The following TUBB4B variants were observed in gnomAD, a reference collection of about 807,000 sequenced individuals.
TUBB4B encodes the protein tubulin beta 4B class IVb, also known as tubulin beta-4B chain.
A neutral mutation model predicts 34.3 loss-of-function variants in TUBB4B; 7 were observed. The observed-to-expected ratio is 0.20, with a 90% confidence interval of 0.12 to 0.38. The LOEUF is 0.38. TUBB4B is among the 10% of genes least tolerant of loss of function. TUBB4B has a pLI of 1.00. For missense variants in TUBB4B, 178 were observed against 610.9 expected (o/e 0.29, Z 7.47); for synonymous variants, 390 against 250.2 (o/e 1.56, Z -5.27).
At chr9:137,242,273 G>A in intron 3 of TUBB4B, 1 of 673,668 alleles carries the variant, frequency 1.5e-6, no homozygotes, top group South Asian at 2.0e-5. Context: ...GGAATTGGCA[G>A]TGGCCCCCCC....
At position 137,242,329 on chromosome 9, in the gene TUBB4B, C is replaced by T. The variant is rs61234569; in HGVS notation, c.278-167C>T. 5,019 of 839,978 alleles carry T rather than the reference C, an allele frequency of 6.0e-3. 175 individuals are homozygous for T. In the African/African-American group the frequency reaches 0.076, roughly 13 times the overall value. 52.0% of individuals were successfully genotyped at this position (839,978 alleles called of 1,614,324 possible). The stretch of plus-strand genomic sequence containing the variant: ...GTCAGGTTTGGCCCCTGACTTAATT[C>T]GTAGCAGGGCAGGCTGCCGTCTTTT... On this transcript the variant is annotated intron_variant, in intron 3 of 3. Transcript: ENST00000340384.
intron 1 of TUBB4B, 49 bp downstream of exon 1, chr9:137,241,466 G>A: frequency 7.0e-7 from 1 of 1,426,208 alleles, no homozygotes; most frequent in Non-Finnish European, 9.2e-7. Flanking sequence ...GGCGGTGTGG[G>A]CGGGCGGCCG....
At chr9:137,242,102 C>T (rs1194371962) in intron 3 of TUBB4B, 81 bp downstream of exon 3, 7 of 1,416,732 alleles carry the variant, frequency 4.9e-6, no homozygotes, top group African/African-American at 2.9e-5. Context: ...ACTGCGCAGC[C>T]GGGGCCCCTG....
At chr9:137,241,654 G>C (rs1210627246) in intron 1 of TUBB4B, 67 bp from the exon 2 acceptor site, 2 of 1,271,334 alleles carry the variant, frequency 1.6e-6, no homozygotes, top group Non-Finnish European at 2.1e-6. Flanking sequence ...GGGCGGGGCT[G>C]CCTCCCTGCG....
At position 137,243,261 on chromosome 9, in the gene TUBB4B, A is replaced by G. The variant is rs1836795199; in HGVS notation, c.1043A>G (p.Asn348Ser). The change falls in exon 4 of 4, where the codon AAT (asparagine) becomes AGT (serine). Residue 348 changes from asparagine to serine, a missense_variant. Physicochemically the swap from Asn to Ser is conservative, Grantham distance 46. Coordinates refer to ENST00000340384, the MANE Select transcript of TUBB4B (RefSeq NM_006088.6). Reference sequence around the variant, plus strand: ...TATTTTGTTGAGTGGATCCCCAACAATGTGAAAACGGCTGTCTGTGACATC... The same window carrying G: ...TATTTTGTTGAGTGGATCCCCAACAGTGTGAAAACGGCTGTCTGTGACATC... Reference protein sequence around the residue: ...SSYFVEWIPNNVKTAVCDIPP... With the variant: ...SSYFVEWIPNSVKTAVCDIPP... 6.2e-7 allele frequency: 1 copy of G among 1,613,440 alleles called. No individual in the cohort carries two copies. Among genetic ancestry groups the G allele is most frequent in the African/African-American group, 1.3e-5 (1 of 74,946 alleles).
intron 1 of TUBB4B, 100 bp downstream of exon 1, chr9:137,241,517 T>C (rs1836740790): frequency 1.9e-6 from 2 of 1,066,578 alleles, no homozygotes; most frequent in African/African-American, 3.4e-5. Flanking sequence ...CGCCCCCGCA[T>C]TGCGGCCGCC....
chr9:137,242,301 G>A (rs1836768617), intron 3 of TUBB4B, 195 bp from the exon 4 acceptor site: 2 of 729,420 alleles, frequency 2.7e-6, no homozygotes, highest in South Asian at 1.9e-5. Flanking sequence ...GGTTTGTTAA[G>A]CTGTCAGGTT....
At position 137,242,631 on chromosome 9, in the gene TUBB4B, C is replaced by T; in HGVS notation, c.413C>T (p.Ser138Phe). ...DCLQGFQLTH[S>F]LGGGTGSGMG... ...CTGCAGGGTTTCCAGCTGACCCACT[C>T]CCTGGGTGGGGGGACTGGGTCTGGG... The change falls in exon 4 of 4, where the codon TCC becomes TTC. Residue 138 changes from serine to phenylalanine, a missense_variant. Coordinates refer to ENST00000340384, the MANE Select transcript of TUBB4B (RefSeq NM_006088.6). The T allele has an allele frequency of 6.2e-7, 1 of 1,613,692 alleles. No individual in the cohort carries two copies. Among genetic ancestry groups the T allele is most frequent in the African/African-American group, 1.3e-5 (1 of 75,038 alleles).
Position 137,243,597 on chromosome 9 carries a change from T to G in TUBB4B, c.*41T>G. 3 of 1,613,294 alleles carry G rather than the reference T, an allele frequency of 1.9e-6. No homozygotes were observed. Among genetic ancestry groups the G allele is most frequent in the Non-Finnish European group, 2.5e-6 (3 of 1,179,410 alleles). On this transcript the variant is annotated 3_prime_UTR_variant, in exon 4 of 4. Coordinates refer to ENST00000340384, the MANE Select transcript of TUBB4B (RefSeq NM_006088.6). ...GGGAAAGCAGGGAAGCAGTGTGAAC[T>G]CTTTATTCACTCCCAGCCTGTCCTG...
rs544185853 is a variant in TUBB4B, at chr9:137,243,621, T to C, written c.*65T>C. On this transcript the variant is annotated 3_prime_UTR_variant, in exon 4 of 4. Coordinates refer to ENST00000340384, the MANE Select transcript of TUBB4B (RefSeq NM_006088.6). Reference sequence around the variant, plus strand: ...CTCTTTATTCACTCCCAGCCTGTCCTGTGGCCTGTCCCACTGTGTGCACTT... The same window carrying C: ...CTCTTTATTCACTCCCAGCCTGTCCCGTGGCCTGTCCCACTGTGTGCACTT... The C allele has an allele frequency of 7.4e-6, 12 of 1,612,706 alleles. No homozygotes were observed. The highest frequency in any genetic ancestry group is 9.3e-6 in the Non-Finnish European group (11 of 1,178,922).
rs1462829872 is a variant in TUBB4B, at chr9:137,243,703, T to C, written c.*147T>C. 3.7e-6 allele frequency: 6 copies of C among 1,614,158 alleles called. No homozygotes were observed. Among genetic ancestry groups the C allele is most frequent in the South Asian group, 2.2e-5 (2 of 91,090 alleles). On this transcript the variant is annotated 3_prime_UTR_variant, in exon 4 of 4. Transcript: ENST00000340384. ...AGACACCACCATTAAAGCATTTTCATAGTGTGTGGTTTCGCTTTGCCCATT... is the reference window on the plus strand; with the variant it reads ...AGACACCACCATTAAAGCATTTTCACAGTGTGTGGTTTCGCTTTGCCCATT...
At chr9:137,241,562 G>T in intron 1 of TUBB4B, 145 bp downstream of exon 1, 1 of 850,066 alleles carries the variant, frequency 1.2e-6, no homozygotes, top group South Asian at 5.4e-5. Context: ...CGAGCCGGGC[G>T]ACCGAAGCCC....
In TUBB4B at chr9:137,243,661, C is replaced by G; in HGVS notation, c.*105C>G. On this transcript the variant is annotated 3_prime_UTR_variant, in exon 4 of 4. Coordinates refer to ENST00000340384, the MANE Select transcript of TUBB4B (RefSeq NM_006088.6). ...TGTGTGCACTTGCTGTTTTCCCTGT[C>G]CACATCCATGCTGTACAGACACCAC... is the stretch of plus-strand genomic sequence containing the variant. 1 of 1,614,086 alleles carries G rather than the reference C, an allele frequency of 6.2e-7. No homozygotes were observed. The highest frequency in any genetic ancestry group is 8.5e-7 in the Non-Finnish European group (1 of 1,179,996).
At chr9:137,242,122 C>G in intron 3 of TUBB4B, 101 bp downstream of exon 3, 3 of 1,187,884 alleles carry the variant, frequency 2.5e-6, no homozygotes, top group Admixed American at 5.1e-5. Context: ...GGACGCCCTC[C>G]TCTTCTCTGA....
intron 1 of TUBB4B, 103 bp downstream of exon 1, chr9:137,241,520 C>T (rs1168229394): frequency 1.9e-6 from 2 of 1,040,886 alleles, no homozygotes; most frequent in African/African-American, 1.7e-5. Context: ...CCCCGCATTG[C>T]GGCCGCCGGG....
At chr9:137,241,676 G>T in intron 1 of TUBB4B, 45 bp from the exon 2 acceptor site, 1 of 1,525,550 alleles carries the variant, frequency 6.6e-7, no homozygotes, top group Non-Finnish European at 8.8e-7. Context: ...ACCGGCCGCG[G>T]TGACTCAGCC....
In TUBB4B at chr9:137,242,874, C is replaced by T; in HGVS notation, c.656C>T (p.Thr219Met). ...TGCTTCAGAACCCTAAAGCTGACCACGCCCACCTATGGTGACCTGAACCAC... is the reference window on the plus strand; with the variant it reads ...TGCTTCAGAACCCTAAAGCTGACCATGCCCACCTATGGTGACCTGAACCAC... ...DICFRTLKLT[T>M]PTYGDLNHLV... is the part of the protein sequence containing the mutation. Residue 219 changes from threonine to methionine, a missense_variant, in exon 4 of 4, where the codon ACG (threonine) becomes ATG (methionine). Transcript: ENST00000340384. The T allele has an allele frequency of 6.2e-7, 1 of 1,613,502 alleles. No individual in the cohort carries two copies. Among genetic ancestry groups the T allele is most frequent in the Non-Finnish European group, 8.5e-7 (1 of 1,180,032 alleles).
In TUBB4B at chr9:137,243,178, C is replaced by A; in HGVS notation, c.960C>A (p.Arg320=). Residue 320 remains arginine (R), a synonymous_variant, in exon 4 of 4, where the codon CGC becomes CGA. Transcript: ENST00000340384. The stretch of plus-strand genomic sequence containing the variant: ...CGGTTGCCGCCGTGTTCAGGGGCCG[C>A]ATGTCCATGAAGGAGGTGGATGAGC... ...YLTVAAVFRG[R]MSMKEVDEQM... is the part of the protein sequence containing the mutation. The A allele has an allele frequency of 1.9e-6, 3 of 1,613,116 alleles. No individual in the cohort carries two copies. Among genetic ancestry groups the A allele is most frequent in the Non-Finnish European group, 2.5e-6 (3 of 1,179,970 alleles).
Position 137,241,427 on chromosome 9 carries a change from CG to C in TUBB4B, c.57+14del. On this transcript the variant is annotated intron_variant, in intron 1 of 3. Coordinates refer to ENST00000340384, the MANE Select transcript of TUBB4B (RefSeq NM_006088.6). ...CCAAATCGGCGCCAAGGTAAGTTGC[CG>C]GGGCGCTGGGGCCAGGCGGGCCTGC... The C allele has an allele frequency of 1.3e-6, 2 of 1,582,258 alleles. No individual in the cohort carries two copies. The highest frequency in any genetic ancestry group is 1.7e-6 in the Non-Finnish European group (2 of 1,167,150).
Sources: allele counts gnomAD v4.1 joint callset, GRCh38; gene constraint gnomAD v4.1.1; transcripts MANE v1.5; gene names NCBI Gene and HGNC (gene_info 2026-07-23, HGNC 2026-07-21).